The following PPDPFL variants were observed in gnomAD, a reference collection of about 807,000 sequenced individuals.
The protein encoded by PPDPFL is pancreatic progenitor cell differentiation and proliferation factor like, also known as pancreatic progenitor cell differentiation and proliferation factor-like protein.
PPDPFL carries 12 observed loss-of-function variants against 12.6 expected under a neutral mutation model. The observed-to-expected ratio is 0.95, with a 90% CI of 0.61 to 1.54. PPDPFL has a LOEUF of 1.54. Ranked by LOEUF, PPDPFL falls within the 40% of genes most tolerant of loss-of-function variation. The pLI is 0.00. For synonymous variants in PPDPFL, 24 were observed against 32.7 expected (o/e 0.73, Z 0.91); for missense variants, 114 against 96.0 (o/e 1.19, Z -0.78).
In PPDPFL at chr8:49,074,065, G is replaced by T. The variant is rs375078790; in HGVS notation, c.62G>T (p.Ser21Ile). ...LARNQYYRKS[S>I]VSSVSSLTSS... ...TATCATTTGTTTCCTACAGAGTCCAGTGTTTCTTCAGTTAGTTCTTTAACT... is the reference window on the plus strand; with the variant it reads ...TATCATTTGTTTCCTACAGAGTCCATTGTTTCTTCAGTTAGTTCTTTAACT... Residue 21 changes from serine (S) to isoleucine (I), a missense_variant, in exon 3 of 5, where the codon AGT becomes ATT. Ser to Ile is a moderately radical substitution (Grantham distance 142). Transcript: ENST00000522267. 3.7e-6 allele frequency: 6 copies of T among 1,609,678 alleles called. No homozygotes were observed. In the African/African-American group the frequency reaches 8.0e-5, roughly 21 times the overall value.
In PPDPFL at chr8:49,075,370, A is replaced by G. The variant is rs1486764701; in HGVS notation, c.*197A>G. On this transcript the variant is annotated 3_prime_UTR_variant, in exon 5 of 5. Transcript: ENST00000522267. ...AAGACAGAAATGTGTCTGAGATCTC[A>G]TTTATGAGACAAGATCACAGCAGCC... The G allele has an allele frequency of 2.7e-6, 3 of 1,118,128 alleles. No homozygotes were observed. The highest frequency in any genetic ancestry group is 1.2e-5 in the South Asian group (1 of 80,740). 69.3% of individuals were successfully genotyped at this position (1,118,128 alleles called of 1,614,324 possible).
upstream of PPDPFL, among the ~76,000 whole-genome samples, chr8:49,070,930 G>C (rs1047105605): frequency 6.6e-6 from 1 of 152,064 alleles, no homozygotes; most frequent in Non-Finnish European, 1.5e-5. Flanking sequence ...TTTCCAGTAC[G>C]CAGTGGAACA....
upstream of PPDPFL, among the ~76,000 whole-genome samples, chr8:49,069,982 G>A (rs983880623): frequency 6.6e-6 from 1 of 152,124 alleles, no homozygotes. Context: ...GCAATGACAT[G>A]GAATTAACCT....
In PPDPFL at chr8:49,075,514, G is replaced by A; in HGVS notation, c.*341G>A. ...TTTAGAAACAAGACACCCTTTTAAA[G>A]TAATATGTCTTCAAATGTTGTGACT... On this transcript the variant is annotated 3_prime_UTR_variant, in exon 5 of 5. Transcript: ENST00000522267. 1.8e-6 allele frequency: 1 copy of A among 547,784 alleles called. No homozygotes were observed. Among genetic ancestry groups the A allele is most frequent in the Non-Finnish European group, 3.3e-6 (1 of 307,622 alleles). The allele number at this position is 547,784 out of a possible 1,614,324, so 33.9% of individuals were successfully genotyped here.
chr8:49,073,755 T>C (rs927873062), intron 2 of PPDPFL, among the ~76,000 whole-genome samples: 28 of 152,248 alleles, frequency 1.8e-4, no homozygotes, highest in Admixed American at 5.2e-4. Context: ...TTCTTGGTCT[T>C]GTTCTTTCTT....
rs753098354 is a variant in PPDPFL at position 49,075,264 on chromosome 8, C to T, written c.*91C>T. The stretch of plus-strand genomic sequence containing the variant: ...AACAGTTGATTCTGACAATCAAGAT[C>T]CTCTGCCTGCTGCAGTGGTCCATAC... On this transcript the variant is annotated 3_prime_UTR_variant, in exon 5 of 5. Coordinates refer to ENST00000522267, the MANE Select transcript of PPDPFL (RefSeq NM_001256597.2). The T allele has an allele frequency of 5.0e-6, 8 of 1,613,892 alleles. No individual in the cohort carries two copies. Among genetic ancestry groups the T allele is most frequent in the South Asian group, 4.4e-5 (4 of 91,088 alleles).
chr8:49,074,639 G>T, intron 4 of PPDPFL: 1 of 1,531,480 alleles, frequency 6.5e-7, no homozygotes, highest in Non-Finnish European at 8.7e-7. Flanking sequence ...GTCTAAATTT[G>T]TTTTGCTCAT....
At chr8:49,055,562 T>C (rs963870392) in intron 1 of PPDPFL, among the ~76,000 whole-genome samples, 6 of 152,190 alleles carry the variant, frequency 3.9e-5, no homozygotes, top group Admixed American at 6.5e-5. Context: ...TGATATTACA[T>C]TGGTAATTTC....
At chr8:49,074,387 T>C in intron 4 of PPDPFL, 54 bp downstream of exon 4, 12 of 1,582,548 alleles carry the variant, frequency 7.6e-6, no homozygotes, top group Non-Finnish European at 1.0e-5. Context: ...AATGAAATAA[T>C]GCATATGGTA....
Position 49,072,837 on chromosome 8 carries a change from T to C in PPDPFL, c.7T>C (p.Ser3Pro). MA[S>P]VPSIGCLLAR... ...CTTTCTCACGGGTAAAGCCATGGCA[T>C]CCGTACCTTCCATTGGTTGCCTTCT... The change falls in exon 2 of 5, where the codon TCC (serine) becomes CCC (proline). Residue 3 changes from serine (S) to proline (P), a missense_variant. By Grantham distance (74) the Ser-to-Pro change is moderately conservative. Coordinates refer to ENST00000522267, the MANE Select transcript of PPDPFL (RefSeq NM_001256597.2). 9 of 1,605,874 alleles carry C rather than the reference T, an allele frequency of 5.6e-6. No homozygotes were observed. The highest frequency in any genetic ancestry group is 6.8e-6 in the Non-Finnish European group (8 of 1,176,944).
intron 1 of PPDPFL, among the ~76,000 whole-genome samples, chr8:49,060,653 A>C (rs1156495057): frequency 6.6e-6 from 1 of 152,080 alleles, no homozygotes. Flanking sequence ...TATTTTGTAT[A>C]AGTTTAGTTA....
chr8:49,058,086 T>C (rs1371663416), intron 1 of PPDPFL, among the ~76,000 whole-genome samples: 2 of 152,140 alleles, frequency 1.3e-5, no homozygotes, highest in African/African-American at 4.8e-5. Flanking sequence ...TTATTAGCCC[T>C]CATCAACAAA....
intron 1 of PPDPFL, among the ~76,000 whole-genome samples, chr8:49,058,875 G>A (rs555116918): frequency 3.3e-5 from 5 of 152,278 alleles, no homozygotes; most frequent in African/African-American, 1.2e-4. Flanking sequence ...GCCATGCAAA[G>A]GTTCTTCTTT....
upstream of PPDPFL, among the ~76,000 whole-genome samples, chr8:49,070,562 A>T (rs574835434): frequency 5.3e-5 from 8 of 152,240 alleles, no homozygotes; most frequent in Non-Finnish European, 1.2e-4. Context: ...ATACAAAACC[A>T]AGAGACAAGA....
rs1244835067 is a variant in PPDPFL at position 49,074,330 on chromosome 8, C to CT, written c.231dup (p.Gly78TrpfsTer17). The stretch of plus-strand genomic sequence containing the variant: ...GTGAGAATAAAAGATCTGTCTGCTA[C>CT]TGGGTGAGTTTTAGCCTTCTCTGGT... On this transcript the variant is annotated frameshift_variant, in exon 4 of 5. Transcript: ENST00000522267. LOFTEE classifies it high-confidence loss of function. The CT allele has an allele frequency of 6.2e-7, 1 of 1,613,608 alleles. No homozygotes were observed. The highest frequency in any genetic ancestry group is 2.2e-5 in the East Asian group (1 of 44,876).
chr8:49,070,617 G>A (rs1220923792), upstream of PPDPFL, among the ~76,000 whole-genome samples: 1 of 152,140 alleles, frequency 6.6e-6, no homozygotes, highest in African/African-American at 2.4e-5. Flanking sequence ...AGTAGACAAA[G>A]GTGTAGCAAA....
rs1443348307 is a variant in PPDPFL at position 49,074,274 on chromosome 8, G to A, written c.174G>A (p.Ser58=). The A allele has an allele frequency of 8.7e-6, 14 of 1,613,864 alleles. No individual in the cohort carries two copies. Among genetic ancestry groups the A allele is most frequent in the Admixed American group, 6.7e-5 (4 of 60,004 alleles). ...CAGAATCCACCTGGTGGTTTAAATC[G>A]TTTTTCCATTCTGAACCTGTGCTTT... is the stretch of plus-strand genomic sequence containing the variant. ...EVAESTWWFK[S]FFHSEPVLSN... Residue 58 remains serine (S), a synonymous_variant, in exon 4 of 5, where the codon TCG becomes TCA. Coordinates refer to ENST00000522267, the MANE Select transcript of PPDPFL (RefSeq NM_001256597.2).
intron 4 of PPDPFL, chr8:49,074,602 G>A (rs571283618): frequency 2.3e-5 from 36 of 1,535,896 alleles, no homozygotes; most frequent in Non-Finnish European, 3.1e-5. Context: ...TGTTTGGCGG[G>A]GGATGGACTG....
chr8:49,058,745 C>T (rs1808149447), intron 1 of PPDPFL, among the ~76,000 whole-genome samples: 1 of 152,130 alleles, frequency 6.6e-6, no homozygotes, highest in Non-Finnish European at 1.5e-5. Flanking sequence ...AATAAAGAGC[C>T]TTAAAGAAGT....
Sources: allele counts gnomAD v4.1 joint callset (sites outside exome capture counted in the v4.1 genomes callset), GRCh38; gene constraint gnomAD v4.1.1; transcripts MANE v1.5; gene names NCBI Gene and HGNC (gene_info 2026-07-23, HGNC 2026-07-21).